DHX35: variants seen among roughly 807,000 people sequenced by gnomAD.
DHX35 encodes the protein DEAH-box helicase 35.
DHX35 carries 84 observed loss-of-function variants against 99.6 expected under a neutral mutation model. That is an observed-to-expected ratio of 0.84 (90% confidence interval 0.71 to 1.01). DHX35 has a LOEUF of 1.01. Ranked by LOEUF, DHX35 falls within the 50% of genes least tolerant of loss-of-function variation. The pLI is 0.00. For missense variants in DHX35, 852 were observed against 888.5 expected, an observed-to-expected ratio of 0.96 and a Z score of 0.52; for synonymous variants, 331 against 316.2, an observed-to-expected ratio of 1.05 and a Z score of -0.50.
chr20:38,983,775 CA>C lies in DHX35; in HGVS notation c.345del (p.Val116LeufsTer5), dbSNP rs768724640. 3 of 1,612,800 alleles carry C rather than the reference CA, an allele frequency of 1.9e-6. No homozygotes were observed. The highest frequency in any genetic ancestry group is 1.7e-6 in the Non-Finnish European group (2 of 1,179,228). On this transcript the variant is annotated frameshift_variant and splice_region_variant, in exon 4 of 22. Coordinates refer to ENST00000252011, the MANE Select transcript of DHX35 (RefSeq NM_021931.4). LOFTEE classifies it high-confidence loss of function. ...CAGCCTCGAAGAGTGGCTGCTGTTA[CA>C]GTGAGTTTCTTTTTGTGTTGGAAAG... ...VTQPRRVAAVTVAGRVAEERG... is the reference protein window; with the variant it reads ...VTQPRRVAAVXVAGRVAEERG...
At chr20:39,030,440 G>A in intron 19 of DHX35, 1 of 482,788 alleles carries the variant, frequency 2.1e-6, no homozygotes, top group South Asian at 2.6e-5. Flanking sequence ...AACATAGGCA[G>A]AGCATTTTAT....
chr20:38,992,451 T>A, intron 7 of DHX35, 26 bp downstream of exon 7: 6 of 1,610,352 alleles, frequency 3.7e-6, no homozygotes, highest in Non-Finnish European at 5.1e-6. Flanking sequence ...CAGCTTTTCA[T>A]TGTGTGTGTT....
intron 15 of DHX35, 73 bp from the exon 16 acceptor site, chr20:39,021,767 AG>A: frequency 7.1e-7 from 1 of 1,403,974 alleles, no homozygotes; most frequent in Non-Finnish European, 1.0e-6. Context: ...GTGCAAGGAA[AG>A]TATCAGAAAA....
intron 8 of DHX35, among the ~76,000 whole-genome samples, chr20:38,998,619 A>G (rs2086468144): frequency 6.6e-6 from 1 of 151,670 alleles, no homozygotes; most frequent in Admixed American, 6.6e-5. Context: ...CCTGACTCAA[A>G]TTCTTCTTTT....
intron 10 of DHX35, among the ~76,000 whole-genome samples, chr20:39,003,186 A>T (rs1299759955): frequency 1.3e-5 from 2 of 152,174 alleles, no homozygotes; most frequent in Non-Finnish European, 2.9e-5. Flanking sequence ...TGTCCTGCAC[A>T]CATGTTGCTG....
chr20:38,988,761 C>G, intron 4 of DHX35, 52 bp from the exon 5 acceptor site: 1 of 1,610,308 alleles, frequency 6.2e-7, no homozygotes, highest in Non-Finnish European at 8.5e-7. Flanking sequence ...AGTATGTGCG[C>G]TGTGCAGTAA....
At chr20:38,993,862 C>T (rs2086380853) in intron 7 of DHX35, among the ~76,000 whole-genome samples, 2 of 152,078 alleles carry the variant, frequency 1.3e-5, no homozygotes, top group Non-Finnish European at 2.9e-5. Context: ...TAGCAAAAAA[C>T]TTTTAGGTTG....
intron 4 of DHX35, among the ~76,000 whole-genome samples, chr20:38,987,131 C>A (rs566986701): frequency 1.2e-4 from 18 of 152,280 alleles, no homozygotes; most frequent in African/African-American, 4.3e-4. Flanking sequence ...TGAACTCCTT[C>A]CTTCTGTGGG....
At chr20:38,993,317 A>T (rs1401381966) in intron 7 of DHX35, among the ~76,000 whole-genome samples, 1 of 152,196 alleles carries the variant, frequency 6.6e-6, no homozygotes, top group Non-Finnish European at 1.5e-5. Context: ...AAGTAAAAAA[A>T]TTCAGGTTCT....
At chr20:38,979,722 C>G (rs1223102647) in intron 3 of DHX35, among the ~76,000 whole-genome samples, 3 of 151,976 alleles carry the variant, frequency 2.0e-5, no homozygotes, top group Non-Finnish European at 2.9e-5. Context: ...GTTTTTCTCT[C>G]TTGTTAGATT....
intron 4 of DHX35, among the ~76,000 whole-genome samples, chr20:38,986,202 T>G (rs988040356): frequency 1.2e-4 from 18 of 152,200 alleles, no homozygotes; most frequent in African/African-American, 3.9e-4. Flanking sequence ...TTTTTTTTTT[T>G]TTGGTCTTTT....
At chr20:39,002,682 T>C in intron 9 of DHX35, 90 bp from the exon 10 acceptor site, 1 of 1,178,892 alleles carries the variant, frequency 8.5e-7, no homozygotes, top group Non-Finnish European at 1.2e-6. Flanking sequence ...AAACTCACTT[T>C]GATGAGCTTT....
chr20:38,992,548 T>A, intron 7 of DHX35, 123 bp downstream of exon 7: 1 of 873,050 alleles, frequency 1.1e-6, no homozygotes, highest in Middle Eastern at 2.3e-4. Context: ...TCATCCATAA[T>A]CCTACCCATT....
At chr20:39,027,243 T>C (rs1302738170) in intron 18 of DHX35, among the ~76,000 whole-genome samples, 4 of 152,182 alleles carry the variant, frequency 2.6e-5, no homozygotes, top group African/African-American at 9.7e-5. Flanking sequence ...GCTCAGTGCT[T>C]AGGAAAAATA....
rs147589055 is a variant in DHX35 at position 39,004,287 on chromosome 20, G to C, written c.1011+380G>C. Among the ~76,000 whole-genome samples the C allele has an allele frequency of 6.8e-3, 1,035 of 152,138 alleles. 7 individuals are homozygous for C. Among genetic ancestry groups the C allele is most frequent in the South Asian group, 0.027 (132 of 4,816 alleles). On this transcript the variant is annotated intron_variant, in intron 11 of 21. Transcript: ENST00000252011. ...TCACTAAGTTAGCCAGGATGGTCTCGATCTCCTGACCTTGTGATCCGCCCA... is the reference window on the plus strand; with the variant it reads ...TCACTAAGTTAGCCAGGATGGTCTCCATCTCCTGACCTTGTGATCCGCCCA...
intron 12 of DHX35, among the ~76,000 whole-genome samples, chr20:39,007,782 AC>A: frequency 6.6e-6 from 1 of 152,332 alleles, no homozygotes; most frequent in South Asian, 2.1e-4. Context: ...ACCAAGGGCA[AC>A]CACTGAAGAT....
chr20:39,003,048 T>C (rs2086547866), intron 10 of DHX35, among the ~76,000 whole-genome samples, 180 bp downstream of exon 10: 1 of 152,244 alleles, frequency 6.6e-6, no homozygotes, highest in Non-Finnish European at 1.5e-5. Flanking sequence ...AGGGACTCGT[T>C]AGCCCCTGCC....
chr20:38,983,902 GT>G (rs202103625), intron 4 of DHX35, 126 bp downstream of exon 4: 11 of 786,904 alleles, frequency 1.4e-5, no homozygotes, highest in Non-Finnish European at 2.0e-5. Flanking sequence ...CAGTTTTTAT[GT>G]TTTTTTTATT....
At chr20:38,998,116 G>A (rs2086459798) in intron 8 of DHX35, among the ~76,000 whole-genome samples, 1 of 152,236 alleles carries the variant, frequency 6.6e-6, no homozygotes, top group Non-Finnish European at 1.5e-5. Context: ...CTTTCTTAAT[G>A]TAAGCCCAAT....
Sources: allele counts gnomAD v4.1 joint callset (sites outside exome capture counted in the v4.1 genomes callset), GRCh38; gene constraint gnomAD v4.1.1; transcripts MANE v1.5; gene names NCBI Gene and HGNC (gene_info 2026-07-23, HGNC 2026-07-21).